The following SLC39A11 variants were observed in gnomAD, a reference collection of about 807,000 sequenced individuals.
The protein encoded by SLC39A11 is solute carrier family 39 member 11.
In SLC39A11, 33 loss-of-function variants were observed where a neutral mutation model predicts 36.1. The ratio of observed to expected loss-of-function variants is 0.91; its 90% confidence interval spans 0.69 to 1.22. SLC39A11 has a LOEUF of 1.22. Among genes scored for constraint, SLC39A11 ranks in the 50% most tolerant of loss-of-function variants. The pLI is 0.00. For missense variants in SLC39A11, 432 were observed against 430.3 expected (o/e 1.00, Z -0.03); for synonymous variants, 166 against 170.3 (o/e 0.97, Z 0.20).
intron 4 of SLC39A11, among the ~76,000 whole-genome samples, chr17:73,024,864 A>ACT: frequency 1.0e-5 from 1 of 97,874 alleles, no homozygotes; most frequent in East Asian, 3.2e-4. Flanking sequence ...TGCCCAGCTA[A>ACT]TTTTTTTTTT....
chr17:72,972,911 A>G (rs1214019953), intron 4 of SLC39A11, among the ~76,000 whole-genome samples: 1 of 152,030 alleles, frequency 6.6e-6, no homozygotes, highest in Non-Finnish European at 1.5e-5. Flanking sequence ...AGGTCTCAAA[A>G]ATAAACACCA....
intron 6 of SLC39A11, among the ~76,000 whole-genome samples, chr17:72,831,349 T>C (rs1351521922): frequency 6.6e-6 from 1 of 152,198 alleles, no homozygotes; most frequent in Non-Finnish European, 1.5e-5. Context: ...CAAACAGTGC[T>C]CATAACTGCT....
At chr17:72,934,602 G>T (rs555240819) in intron 5 of SLC39A11, among the ~76,000 whole-genome samples, 1 of 152,264 alleles carries the variant, frequency 6.6e-6, no homozygotes, top group Admixed American at 6.5e-5. Flanking sequence ...GGACGCGGAG[G>T]TTGCTGTGAG....
In SLC39A11 at chr17:72,949,143, GCTTTT is replaced by G. The variant is rs1277248000; in HGVS notation, c.307-1273_307-1269del. 2.5e-3 allele frequency among the ~76,000 whole-genome samples: 131 copies of G among 52,570 alleles called. 1 individual carries two copies. Among genetic ancestry groups the G allele is most frequent in the East Asian group, 0.019 (26 of 1,398 alleles). The allele number at this position is 52,570 out of a possible 152,430, so 34.5% of individuals were successfully genotyped here. A position where few individuals can be genotyped will look rare whatever the true frequency, so the allele number is the denominator to read the frequency against. ...AAAATAAAATACCATACACTGGGCA[GCTTTT>G]TTTTTTTTTTTTTTTTTTTTTTTTT... On this transcript the variant is annotated intron_variant, in intron 4 of 9. Coordinates refer to ENST00000255559, the MANE Select transcript of SLC39A11 (RefSeq NM_139177.4).
At chr17:72,834,297 G>C (rs1224076301) in intron 6 of SLC39A11, among the ~76,000 whole-genome samples, 1 of 152,200 alleles carries the variant, frequency 6.6e-6, no homozygotes, top group East Asian at 1.9e-4. Context: ...CAGGTGGCCA[G>C]GGACTATGGA....
chr17:72,860,301 C>A (rs919182419), intron 5 of SLC39A11, among the ~76,000 whole-genome samples: 9 of 152,184 alleles, frequency 5.9e-5, no homozygotes, highest in Non-Finnish European at 8.8e-5. Context: ...CCATTTCCCT[C>A]ACCAGGAGTA....
intron 5 of SLC39A11, among the ~76,000 whole-genome samples, chr17:72,861,657 T>TTATATATATATA (rs373265286): frequency 0.011 from 538 of 50,876 alleles, 14 homozygotes; most frequent in East Asian, 0.026. Context: ...ATACAACACA[T>TTATATATATATA]TATATATATA....
intron 5 of SLC39A11, among the ~76,000 whole-genome samples, chr17:72,856,873 G>A (rs1246892714): frequency 1.3e-5 from 2 of 152,192 alleles, no homozygotes; most frequent in East Asian, 3.9e-4. Context: ...TAGAGATGGG[G>A]TTTCACCATG....
Position 73,004,977 on chromosome 17 carries a change from CAT to C in SLC39A11, c.306+26577_306+26578del, listed in dbSNP as rs928671270. Among the ~76,000 whole-genome samples the C allele has an allele frequency of 5.7e-4, 87 of 152,278 alleles. 1 individual carries two copies. Among genetic ancestry groups the C allele is most frequent in the African/African-American group, 8.4e-4 (35 of 41,560 alleles). ...GACCTAACCCCCCAACACATATACACATGTCATGTTTTGTTTGTTTGTTTGTT... is the reference window on the plus strand; with the variant it reads ...GACCTAACCCCCCAACACATATACACGTCATGTTTTGTTTGTTTGTTTGTT... On this transcript the variant is annotated intron_variant, in intron 4 of 9. Coordinates refer to ENST00000255559, the MANE Select transcript of SLC39A11 (RefSeq NM_139177.4).
At chr17:72,911,278 A>AG (rs1024019126) in intron 5 of SLC39A11, among the ~76,000 whole-genome samples, 2 of 151,994 alleles carry the variant, frequency 1.3e-5, no homozygotes, top group African/African-American at 4.8e-5. Context: ...GGGTGGAGGA[A>AG]GGGGGGAAGG....
intron 4 of SLC39A11, among the ~76,000 whole-genome samples, chr17:73,004,220 AAAGAAAGAAAGAAAAG>A (rs2090041222): frequency 1.2e-5 from 1 of 84,254 alleles, no homozygotes. Context: ...AGAAAGAAAG[AAAGAAAGAAAGAAAAG>A]AAAGAAAGAG....
intron 3 of SLC39A11, among the ~76,000 whole-genome samples, chr17:73,062,363 G>A (rs998836778): frequency 1.3e-5 from 2 of 150,456 alleles, no homozygotes; most frequent in South Asian, 2.1e-4. Flanking sequence ...GGAGGCAGAG[G>A]TAGGAGGATG....
At chr17:73,031,516 T>C in intron 4 of SLC39A11, 40 bp downstream of exon 4, 2 of 1,606,662 alleles carry the variant, frequency 1.2e-6, no homozygotes, top group East Asian at 4.5e-5. Flanking sequence ...CAGAGCTGGT[T>C]GTATCCCGAT....
intron 6 of SLC39A11, among the ~76,000 whole-genome samples, chr17:72,845,816 T>C (rs1378963444): frequency 1.3e-5 from 2 of 152,204 alleles, no homozygotes; most frequent in South Asian, 2.1e-4. Flanking sequence ...TCCTCCAGTT[T>C]ACTGAAACCA....
At chr17:72,960,973 T>C (rs1473223330) in intron 4 of SLC39A11, among the ~76,000 whole-genome samples, 1 of 152,234 alleles carries the variant, frequency 6.6e-6, no homozygotes, top group African/African-American at 2.4e-5. Flanking sequence ...ATCAACATTT[T>C]TCATAGCTTT....
At chr17:73,006,510 T>C (rs980009284) in intron 4 of SLC39A11, among the ~76,000 whole-genome samples, 2 of 152,170 alleles carry the variant, frequency 1.3e-5, no homozygotes, top group Non-Finnish European at 2.9e-5. Flanking sequence ...ATGCTGTGTG[T>C]GGCTACAAAG....
chr17:72,710,471 T>A (rs1247456813), intron 7 of SLC39A11, among the ~76,000 whole-genome samples: 1 of 152,128 alleles, frequency 6.6e-6, no homozygotes. Flanking sequence ...ATAAAAGAGG[T>A]TGAAGGGAAC....
At position 72,871,033 on chromosome 17, in the gene SLC39A11, TTTTG is replaced by T. The variant is rs1313577058; in HGVS notation, c.431-21233_431-21230del. 1.9e-3 allele frequency among the ~76,000 whole-genome samples: 283 copies of T among 151,150 alleles called. 1 individual carries two copies. The highest frequency in any genetic ancestry group is 6.3e-3 in the African/African-American group (260 of 41,030). On this transcript the variant is annotated intron_variant, in intron 5 of 9. Transcript: ENST00000255559. Reference sequence around the variant, plus strand: ...AAGCCCTTTTCTGGTTTTTGGTTTTTTTTGTTTGTTTGTTTTGTTTTTGTTTTTT... The same window carrying T: ...AAGCCCTTTTCTGGTTTTTGGTTTTTTTTGTTTGTTTTGTTTTTGTTTTTT...
chr17:72,940,339 G>T (rs2085029527), intron 5 of SLC39A11, among the ~76,000 whole-genome samples: 1 of 150,172 alleles, frequency 6.7e-6, no homozygotes, highest in Non-Finnish European at 1.5e-5. Flanking sequence ...GCAATGGCGT[G>T]GTCTCAGCTC....
Sources: allele counts gnomAD v4.1 joint callset (sites outside exome capture counted in the v4.1 genomes callset), GRCh38; gene constraint gnomAD v4.1.1; transcripts MANE v1.5; gene names NCBI Gene and HGNC (gene_info 2026-07-23, HGNC 2026-07-21).